CNTN5: variants seen among roughly 807,000 people sequenced by gnomAD.
CNTN5 encodes contactin 5.
In CNTN5, 77 loss-of-function variants were observed where a neutral mutation model predicts 129.1. That is an observed-to-expected ratio of 0.60 (90% CI 0.50 to 0.72). CNTN5 has a LOEUF of 0.72. CNTN5 is among the 30% of genes least tolerant of loss of function. The pLI, the probability that CNTN5 is intolerant of heterozygous loss-of-function variation, is 0.00. For synonymous variants in CNTN5, 509 were observed against 465.6 expected (o/e 1.09, Z -1.20); for missense variants, 1,478 against 1,328.8 (o/e 1.11, Z -1.75).
chr11:99,783,819 GT>G (rs1354705229), intron 3 of CNTN5, among the ~76,000 whole-genome samples: 2 of 151,498 alleles, frequency 1.3e-5, no homozygotes, highest in African/African-American at 4.8e-5. Context: ...GGGGACTGTT[GT>G]GGGGTGGGTG....
intron 3 of CNTN5, among the ~76,000 whole-genome samples, chr11:99,675,020 T>C (rs1953213046): frequency 6.6e-6 from 1 of 150,946 alleles, no homozygotes; most frequent in African/African-American, 2.5e-5. Flanking sequence ...TCTGGTTTTG[T>C]TTTGTTTTGT....
At chr11:99,627,058 G>A (rs1951158578) in intron 3 of CNTN5, among the ~76,000 whole-genome samples, 1 of 152,082 alleles carries the variant, frequency 6.6e-6, no homozygotes, top group South Asian at 2.1e-4. Context: ...AGGCTTGGAA[G>A]GGAGAAGTGG....
chr11:99,636,433 C>T (rs1422998644), intron 3 of CNTN5, among the ~76,000 whole-genome samples: 1 of 151,562 alleles, frequency 6.6e-6, no homozygotes. Flanking sequence ...ATCCACTTTC[C>T]ACCCTTTTCT....
chr11:99,381,228 A>G (rs1940539789), intron 2 of CNTN5, among the ~76,000 whole-genome samples: 1 of 152,206 alleles, frequency 6.6e-6, no homozygotes, highest in Non-Finnish European at 1.5e-5. Context: ...CCTGGAGCCA[A>G]CAGGGACAAG....
At chr11:99,458,925 G>C (rs1436745313) in intron 2 of CNTN5, among the ~76,000 whole-genome samples, 2 of 152,020 alleles carry the variant, frequency 1.3e-5, no homozygotes, top group African/African-American at 4.8e-5. Flanking sequence ...ATCTGAAGTA[G>C]AGTGTGTAAG....
chr11:100,168,129 A>G (rs969069218), intron 13 of CNTN5, among the ~76,000 whole-genome samples: 1 of 151,992 alleles, frequency 6.6e-6, no homozygotes, highest in African/African-American at 2.4e-5. Flanking sequence ...AGGTTGGTTC[A>G]TGAGGTTGAA....
At chr11:99,630,812 T>C (rs1951319574) in intron 3 of CNTN5, among the ~76,000 whole-genome samples, 1 of 152,150 alleles carries the variant, frequency 6.6e-6, no homozygotes, top group African/African-American at 2.4e-5. Flanking sequence ...GTTGTTGCTT[T>C]TATTGCACCC....
chr11:99,574,852 A>T (rs1350772890), intron 3 of CNTN5, among the ~76,000 whole-genome samples: 5 of 151,216 alleles, frequency 3.3e-5, no homozygotes, highest in African/African-American at 1.2e-4. Flanking sequence ...GTTTTCTCCC[A>T]CTCCGTAGGT....
intron 16 of CNTN5, among the ~76,000 whole-genome samples, chr11:100,247,874 A>C (rs1205924627): frequency 3.9e-5 from 6 of 152,044 alleles, no homozygotes; most frequent in Non-Finnish European, 7.4e-5. Flanking sequence ...TGGATGGTTC[A>C]TTGTAGATGA....
At chr11:99,118,420 T>TCAGTACA (rs1858143350) in intron 1 of CNTN5, among the ~76,000 whole-genome samples, 2 of 152,274 alleles carry the variant, frequency 1.3e-5, no homozygotes, top group African/African-American at 4.8e-5. Context: ...ATACTGTTAA[T>TCAGTACA]CAGTACACAT....
intron 1 of CNTN5, among the ~76,000 whole-genome samples, chr11:99,277,688 C>A (rs1270470170): frequency 2.0e-5 from 3 of 151,492 alleles, no homozygotes; most frequent in African/African-American, 7.3e-5. Context: ...AAGAGGAAAT[C>A]CTGTTGTATA....
intron 1 of CNTN5, among the ~76,000 whole-genome samples, chr11:99,185,728 T>C (rs1466032553): frequency 6.6e-6 from 1 of 151,800 alleles, no homozygotes; most frequent in Non-Finnish European, 1.5e-5. Flanking sequence ...GCTGAAAGTG[T>C]ATATTTTTCT....
intron 1 of CNTN5, among the ~76,000 whole-genome samples, chr11:99,024,311 AC>A (rs1444289879): frequency 6.6e-6 from 1 of 152,176 alleles, no homozygotes; most frequent in Non-Finnish European, 1.5e-5. Flanking sequence ...AGACACTTAA[AC>A]AGTGTTTTAG....
At chr11:100,155,735 C>A (rs1226170175) in intron 13 of CNTN5, among the ~76,000 whole-genome samples, 2 of 145,600 alleles carry the variant, frequency 1.4e-5, no homozygotes, top group Non-Finnish European at 3.1e-5. Flanking sequence ...TCCTTCACAT[C>A]CCTTGTAAGT....
At chr11:99,803,932 G>A (rs1458090105) in intron 3 of CNTN5, among the ~76,000 whole-genome samples, 1 of 152,138 alleles carries the variant, frequency 6.6e-6, no homozygotes, top group African/African-American at 2.4e-5. Context: ...AAGTGGCTGA[G>A]ACATCTTAAA....
intron 2 of CNTN5, among the ~76,000 whole-genome samples, chr11:99,342,318 C>A (rs1047024005): frequency 6.6e-6 from 1 of 151,720 alleles, no homozygotes; most frequent in Non-Finnish European, 1.5e-5. Flanking sequence ...ATATGGGAAA[C>A]CTGAATCAAT....
In CNTN5 at chr11:100,356,663, T is replaced by G. The variant is rs1342280797; in HGVS notation, c.*443T>G. ...AGACTAAGTCCAGTGTTTTTCATTT[T>G]CCCTTTGGCTGAATATTTCAATTGA... On this transcript the variant is annotated 3_prime_UTR_variant, in exon 25 of 25. Transcript: ENST00000524871. 1 of 156,552 alleles carries G rather than the reference T, an allele frequency of 6.4e-6. No individual in the cohort carries two copies. The highest frequency in any genetic ancestry group is 2.4e-5 in the African/African-American group (1 of 41,458). The allele number at this position is 156,552 out of a possible 1,614,324, so 9.7% of individuals were successfully genotyped here.
chr11:99,703,952 ATAAT>A (rs1195400332), intron 3 of CNTN5, among the ~76,000 whole-genome samples: 3 of 151,088 alleles, frequency 2.0e-5, no homozygotes, highest in African/African-American at 7.3e-5. Flanking sequence ...ATGAGAATAA[ATAAT>A]CTGAAACAAG....
chr11:99,388,144 G>A (rs58120586), intron 2 of CNTN5, among the ~76,000 whole-genome samples: 11,529 of 151,908 alleles, frequency 0.076, 657 homozygotes, highest in African/African-American at 0.15. Context: ...GGCTGGACGC[G>A]GGGGCTCAAA....
Sources: gnomAD v4.1 joint callset for allele counts (sites outside exome capture counted in the v4.1 genomes callset) on GRCh38, gnomAD v4.1.1 for gene constraint, MANE v1.5 for transcripts, NCBI Gene and HGNC (gene_info 2026-07-23, HGNC 2026-07-21) for gene names.